The following CDH12 variants were observed in gnomAD, a reference collection of about 807,000 sequenced individuals.
CDH12 encodes cadherin-12.
CDH12 carries 41 observed loss-of-function variants against 74.1 expected under a neutral mutation model. The observed-to-expected ratio is 0.55, with a 90% CI of 0.43 to 0.72. The LOEUF (loss-of-function observed/expected upper bound fraction) is 0.72, where lower values mean the gene tolerates loss of function less well. Among genes scored for constraint, CDH12 ranks in the 30% least tolerant of loss-of-function variants. The pLI is 0.00. For synonymous variants in CDH12, 399 were observed against 355.0 expected, an observed-to-expected ratio of 1.12 and a Z score of -1.39; for missense variants, 945 against 977.2, an observed-to-expected ratio of 0.97 and a Z score of 0.44.
At chr5:22,424,969 C>T (rs1426539005) in intron 2 of CDH12, among the ~76,000 whole-genome samples, 1 of 150,200 alleles carries the variant, frequency 6.7e-6, no homozygotes, top group East Asian at 2.0e-4. Context: ...ATAGTTATAT[C>T]AAGAAAATTA....
At chr5:22,803,428 T>A (rs1748634028) in intron 1 of CDH12, among the ~76,000 whole-genome samples, 1 of 152,168 alleles carries the variant, frequency 6.6e-6, no homozygotes, top group Non-Finnish European at 1.5e-5. Flanking sequence ...GGATTACTGA[T>A]AGATATAAAA....
At chr5:22,745,734 A>T (rs1395880540) in intron 1 of CDH12, among the ~76,000 whole-genome samples, 1 of 152,152 alleles carries the variant, frequency 6.6e-6, no homozygotes, top group Non-Finnish European at 1.5e-5. Flanking sequence ...GGACACACAG[A>T]GCGGAACGTA....
intron 1 of CDH12, among the ~76,000 whole-genome samples, chr5:22,562,976 A>G (rs937872158): frequency 6.8e-6 from 1 of 147,724 alleles, no homozygotes; most frequent in Non-Finnish European, 1.5e-5. Context: ...ATGTTTATTT[A>G]AATATAAATT....
At chr5:22,292,043 A>C (rs886884729) in intron 3 of CDH12, among the ~76,000 whole-genome samples, 1 of 152,216 alleles carries the variant, frequency 6.6e-6, no homozygotes, top group African/African-American at 2.4e-5. Flanking sequence ...GAGCTCAGAA[A>C]TAAGTCCATG....
At chr5:22,487,634 T>C (rs960958573) in intron 2 of CDH12, among the ~76,000 whole-genome samples, 2 of 152,174 alleles carry the variant, frequency 1.3e-5, no homozygotes, top group African/African-American at 2.4e-5. Flanking sequence ...AAAATGTATG[T>C]CAATATATAA....
At chr5:22,500,691 C>T (rs1471645407) in intron 2 of CDH12, among the ~76,000 whole-genome samples, 1 of 152,070 alleles carries the variant, frequency 6.6e-6, no homozygotes, top group African/African-American at 2.4e-5. Context: ...TCAGTATGTT[C>T]TGATACTTGG....
chr5:22,325,282 C>T (rs554466258), intron 3 of CDH12, among the ~76,000 whole-genome samples: 12 of 152,080 alleles, frequency 7.9e-5, no homozygotes, highest in Admixed American at 2.6e-4. Flanking sequence ...ATAATGAATA[C>T]AAGTTATAGT....
chr5:22,415,884 T>G (rs1287900872), intron 2 of CDH12, among the ~76,000 whole-genome samples: 1 of 151,966 alleles, frequency 6.6e-6, no homozygotes, highest in Non-Finnish European at 1.5e-5. Context: ...CAGCAAAGAC[T>G]TGATACTATC....
chr5:22,682,894 A>G (rs774972618), intron 1 of CDH12, among the ~76,000 whole-genome samples: 2 of 152,168 alleles, frequency 1.3e-5, no homozygotes, highest in African/African-American at 4.8e-5. Flanking sequence ...AAAGTTAAGA[A>G]GAAAAATTCA....
At chr5:22,582,157 T>G (rs542365198) in intron 1 of CDH12, among the ~76,000 whole-genome samples, 3 of 152,348 alleles carry the variant, frequency 2.0e-5, no homozygotes, top group South Asian at 4.1e-4. Context: ...AGAATACTTA[T>G]GCCCTCACCA....
At chr5:22,830,581 C>CT (rs1333043927) in intron 1 of CDH12, among the ~76,000 whole-genome samples, 1 of 151,584 alleles carries the variant, frequency 6.6e-6, no homozygotes, top group Non-Finnish European at 1.5e-5. Context: ...ACGTGCTCTC[C>CT]TTTTTATATA....
intron 1 of CDH12, among the ~76,000 whole-genome samples, chr5:22,731,638 A>G (rs537319800): frequency 1.3e-5 from 2 of 152,022 alleles, no homozygotes; most frequent in Non-Finnish European, 2.9e-5. Context: ...TTGATCTCTC[A>G]GCATTTCAAG....
At chr5:22,402,972 G>C (rs1158681720) in intron 3 of CDH12, among the ~76,000 whole-genome samples, 2 of 152,094 alleles carry the variant, frequency 1.3e-5, no homozygotes, top group Admixed American at 1.3e-4. Flanking sequence ...GAAGGAAGAT[G>C]AACAATCTTC....
At chr5:22,752,347 A>T (rs1745622409) in intron 1 of CDH12, among the ~76,000 whole-genome samples, 1 of 151,696 alleles carries the variant, frequency 6.6e-6, no homozygotes, top group Non-Finnish European at 1.5e-5. Flanking sequence ...TAGGCTTTCA[A>T]AGAAGCCGGA....
intron 4 of CDH12, among the ~76,000 whole-genome samples, chr5:22,164,082 T>G (rs1215304412): frequency 2.0e-5 from 3 of 152,180 alleles, no homozygotes; most frequent in Non-Finnish European, 2.9e-5. Context: ...AAACTTTTCA[T>G]AGTAAAGACT....
chr5:21,982,561 T>C (rs918802028), intron 5 of CDH12, among the ~76,000 whole-genome samples: 5 of 151,650 alleles, frequency 3.3e-5, no homozygotes, highest in African/African-American at 1.2e-4. Flanking sequence ...ATATATCCTC[T>C]ATATATGGAT....
chr5:22,054,105 C>T (rs553340369), intron 5 of CDH12, among the ~76,000 whole-genome samples: 2 of 152,014 alleles, frequency 1.3e-5, no homozygotes, highest in African/African-American at 4.8e-5. Flanking sequence ...CCTCCCTGGT[C>T]AAGGGCATTT....
In CDH12 at chr5:21,836,171, TAAC is replaced by T. The variant is rs1211442288; in HGVS notation, c.814+5987_814+5989del. On this transcript the variant is annotated intron_variant, in intron 8 of 14. Transcript: ENST00000382254. ...TAAGAATTTTTATATCTTCAGGTGT[TAAC>T]AAGTTAAAAAACTATGATATAATAC... 5.9e-5 allele frequency among the ~76,000 whole-genome samples: 9 copies of T among 151,774 alleles called. 1 individual carries two copies. Among genetic ancestry groups the T allele is most frequent in the Non-Finnish European group, 1.0e-4 (7 of 67,826 alleles).
intron 1 of CDH12, among the ~76,000 whole-genome samples, chr5:22,632,183 A>T (rs565719589): frequency 6.6e-6 from 1 of 152,230 alleles, no homozygotes. Flanking sequence ...CCTGTATAAC[A>T]AACCTACACA....
Sources: gnomAD v4.1 joint callset for allele counts (sites outside exome capture counted in the v4.1 genomes callset) on GRCh38, gnomAD v4.1.1 for gene constraint, MANE v1.5 for transcripts, NCBI Gene and HGNC (gene_info 2026-07-23, HGNC 2026-07-21) for gene names.